Variants in PRKCE observed in about 807,000 individuals in gnomAD.
The protein encoded by PRKCE is protein kinase C epsilon type.
A neutral mutation model predicts 85.4 loss-of-function variants in PRKCE; 16 were observed. The ratio of observed to expected loss-of-function variants is 0.19; its 90% CI spans 0.13 to 0.28. The LOEUF is 0.28. PRKCE is among the 10% of genes least tolerant of loss of function. PRKCE has a pLI of 1.00. For missense variants in PRKCE, 573 were observed against 975.2 expected, an observed-to-expected ratio of 0.59 and a Z score of 5.49; for synonymous variants, 388 against 371.5, an observed-to-expected ratio of 1.04 and a Z score of -0.51.
intron 10 of PRKCE, among the ~76,000 whole-genome samples, chr2:46,028,239 G>A (rs1399190543): frequency 6.6e-6 from 1 of 152,146 alleles, no homozygotes; most frequent in Non-Finnish European, 1.5e-5. Flanking sequence ...ACCGCGTCCG[G>A]CCGAAGGTTG....
intron 2 of PRKCE, among the ~76,000 whole-genome samples, chr2:45,876,437 T>C (rs1466922504): frequency 6.6e-6 from 1 of 152,258 alleles, no homozygotes; most frequent in Non-Finnish European, 1.5e-5. Context: ...GCACTAGCTC[T>C]TTGTATTTGT....
intron 2 of PRKCE, among the ~76,000 whole-genome samples, chr2:45,938,599 T>C (rs1430836217): frequency 6.6e-6 from 1 of 152,198 alleles, no homozygotes; most frequent in Admixed American, 6.5e-5. Context: ...AAACTTTTCC[T>C]GGCCTCCAAT....
intron 2 of PRKCE, among the ~76,000 whole-genome samples, chr2:45,937,205 A>G (rs1699524641): frequency 6.6e-6 from 1 of 152,188 alleles, no homozygotes; most frequent in African/African-American, 2.4e-5. Flanking sequence ...AATAAAAATA[A>G]TTGCACTTAA....
intron 1 of PRKCE, among the ~76,000 whole-genome samples, chr2:45,777,759 C>T (rs1014657027): frequency 6.6e-6 from 1 of 152,090 alleles, no homozygotes; most frequent in Non-Finnish European, 1.5e-5. Context: ...CCCCCACACT[C>T]CTAATCACAG....
rs867934052 is a variant in PRKCE at position 45,872,261 on chromosome 2, C to T, written c.412+29198C>T. On this transcript the variant is annotated intron_variant, in intron 2 of 14. Transcript: ENST00000306156. ...GCCATGCAGGAATGAAAGAACATCA[C>T]GTTGGGCAGAGAAAACAGCAAGTGC... 2.6e-4 allele frequency among the ~76,000 whole-genome samples: 40 copies of T among 152,166 alleles called. 1 individual carries two copies. The highest frequency in any genetic ancestry group is 8.9e-4 in the African/African-American group (37 of 41,536).
intron 2 of PRKCE, among the ~76,000 whole-genome samples, chr2:45,925,537 C>T (rs892983759): frequency 2.0e-5 from 3 of 152,158 alleles, no homozygotes; most frequent in African/African-American, 7.2e-5. Context: ...CTCAGGTGAT[C>T]CACCCGCCTC....
At chr2:45,744,840 C>A (rs969584461) in intron 1 of PRKCE, among the ~76,000 whole-genome samples, 1 of 152,130 alleles carries the variant, frequency 6.6e-6, no homozygotes, top group Non-Finnish European at 1.5e-5. Flanking sequence ...AACTCCTGGC[C>A]TCAAGTGATC....
chr2:45,704,661 T>C (rs111382435), intron 1 of PRKCE, among the ~76,000 whole-genome samples: 5,291 of 152,294 alleles, frequency 0.035, 149 homozygotes, highest in Non-Finnish European at 0.053. Flanking sequence ...TTTAGAAGTA[T>C]TGTGAGGATG....
In PRKCE at chr2:46,130,775, G is replaced by T. The variant is rs114376045; in HGVS notation, c.1593-14318G>T. Among the ~76,000 whole-genome samples the T allele has an allele frequency of 4.3e-3, 648 of 152,328 alleles. 8 individuals are homozygous for T. The highest frequency in any genetic ancestry group is 0.015 in the African/African-American group (617 of 41,558). On this transcript the variant is annotated intron_variant, in intron 11 of 14. Coordinates refer to ENST00000306156, the MANE Select transcript of PRKCE (RefSeq NM_005400.3). ...GTAGCTTCATTAGAAAACACATTAA[G>T]ATATGTCCTGTACACAGGTAGAAAG...
chr2:46,036,124 G>A (rs1429148646), intron 10 of PRKCE, among the ~76,000 whole-genome samples: 7 of 152,172 alleles, frequency 4.6e-5, no homozygotes, highest in East Asian at 3.9e-4. Context: ...CTGGCAGATC[G>A]AGTGGCCCGT....
chr2:46,085,364 C>G (rs1669493998), intron 10 of PRKCE, among the ~76,000 whole-genome samples: 1 of 152,184 alleles, frequency 6.6e-6, no homozygotes. Context: ...ATCTATTGGT[C>G]TCCTGGGACT....
rs140826846 is a variant in PRKCE at position 46,046,589 on chromosome 2, T to C, written c.1437+36072T>C. Among the ~76,000 whole-genome samples, 466 of 152,320 alleles carry C rather than the reference T, an allele frequency of 3.1e-3. 2 individuals carry two copies. The highest frequency in any genetic ancestry group is 0.011 in the African/African-American group (446 of 41,566). ...ATGGAAAAATTTAAGCATGTGGCAT[T>C]TTTCTAATTAAGACACGTTAAGATG... On this transcript the variant is annotated intron_variant, in intron 10 of 14. Coordinates refer to ENST00000306156, the MANE Select transcript of PRKCE (RefSeq NM_005400.3).
At chr2:45,974,020 G>A (rs1184435071) in intron 2 of PRKCE, among the ~76,000 whole-genome samples, 1 of 152,178 alleles carries the variant, frequency 6.6e-6, no homozygotes, top group Non-Finnish European at 1.5e-5. Context: ...GCTCTTTTAC[G>A]AAAATAACCT....
Position 45,925,355 on chromosome 2 carries a change from G to A in PRKCE, c.413-51074G>A, listed in dbSNP as rs944083507. 2.0e-5 allele frequency among the ~76,000 whole-genome samples: 3 copies of A among 151,958 alleles called. No individual in the cohort carries two copies. The East Asian group carries it at 5.8e-4, about 29-fold the overall frequency. ...CTTGTCACCCAGGATGGATTGCGAT[G>A]GCATGATCTTGGCTCCCTGCAAACT... On this transcript the variant is annotated intron_variant, in intron 2 of 14. Transcript: ENST00000306156.
At chr2:45,670,148 C>A (rs1676089575) in intron 1 of PRKCE, among the ~76,000 whole-genome samples, 1 of 152,108 alleles carries the variant, frequency 6.6e-6, no homozygotes, top group African/African-American at 2.4e-5. Flanking sequence ...TCTATGGACA[C>A]CCCCACCCAG....
chr2:46,175,158 AAAAG>A (rs547695353), intron 14 of PRKCE, among the ~76,000 whole-genome samples: 140 of 152,352 alleles, frequency 9.2e-4, no homozygotes, highest in Middle Eastern at 3.4e-3. Context: ...AATGTCAGCG[AAAAG>A]AAAGAAAGAG....
At chr2:46,025,529 G>A (rs1707035484) in intron 10 of PRKCE, among the ~76,000 whole-genome samples, 1 of 152,208 alleles carries the variant, frequency 6.6e-6, no homozygotes, top group African/African-American at 2.4e-5. Flanking sequence ...CTGACTAGTA[G>A]GTATACTCCT....
At chr2:45,834,349 C>T (rs940387960) in intron 1 of PRKCE, among the ~76,000 whole-genome samples, 5 of 152,226 alleles carry the variant, frequency 3.3e-5, no homozygotes, top group African/African-American at 1.2e-4. Flanking sequence ...AGATTATAAA[C>T]AGCCAGTGCA....
intron 1 of PRKCE, among the ~76,000 whole-genome samples, chr2:45,785,702 T>G (rs1686549314): frequency 6.6e-6 from 1 of 151,768 alleles, no homozygotes; most frequent in Admixed American, 6.6e-5. Context: ...CCTGGTTTTG[T>G]TTTCCAAACT....
Sources: allele counts gnomAD v4.1 joint callset (sites outside exome capture counted in the v4.1 genomes callset), GRCh38; gene constraint gnomAD v4.1.1; transcripts MANE v1.5; gene names NCBI Gene and HGNC (gene_info 2026-07-23, HGNC 2026-07-21).